Variants in CLSTN2 observed in about 807,000 individuals in gnomAD.
The protein encoded by CLSTN2 is calsyntenin-2.
CLSTN2 carries 48 observed loss-of-function variants against 101.2 expected under a neutral mutation model. That is an observed-to-expected ratio of 0.47 (90% CI 0.38 to 0.60). The LOEUF (loss-of-function observed/expected upper bound fraction) is 0.60. Ranked by LOEUF, CLSTN2 falls within the 20% of genes least tolerant of loss-of-function variation. CLSTN2 has a pLI of 0.00. For missense variants in CLSTN2, 1,160 were observed against 1,238.2 expected (o/e 0.94, Z 0.95); for synonymous variants, 481 against 463.6 (o/e 1.04, Z -0.48).
intron 2 of CLSTN2, among the ~76,000 whole-genome samples, chr3:140,382,506 TTC>T (rs772655430): frequency 7.2e-5 from 11 of 152,222 alleles, no homozygotes; most frequent in Non-Finnish European, 1.6e-4. Context: ...TCAGTTCAAT[TTC>T]ATGGAAGTTG....
chr3:140,461,661 G>A (rs1021774610), intron 7 of CLSTN2, among the ~76,000 whole-genome samples: 3 of 152,132 alleles, frequency 2.0e-5, no homozygotes, highest in African/African-American at 7.2e-5. Context: ...TAGTGCACTT[G>A]TAAAAATGTG....
intron 2 of CLSTN2, among the ~76,000 whole-genome samples, chr3:140,302,339 T>C (rs1419957028): frequency 6.6e-6 from 1 of 152,182 alleles, no homozygotes; most frequent in African/African-American, 2.4e-5. Context: ...ATGAACTACA[T>C]AGTTGAATAA....
chr3:140,447,407 A>G (rs1933109704), intron 5 of CLSTN2, among the ~76,000 whole-genome samples: 1 of 152,168 alleles, frequency 6.6e-6, no homozygotes, highest in Admixed American at 6.5e-5. Flanking sequence ...AGTCACTGGG[A>G]GCCTGCCTTG....
chr3:140,555,290 C>CA (rs1183239124), intron 10 of CLSTN2, among the ~76,000 whole-genome samples: 5 of 152,124 alleles, frequency 3.3e-5, no homozygotes, highest in Non-Finnish European at 7.4e-5. Flanking sequence ...GTGCACAGGG[C>CA]AAAAACATAT....
chr3:140,499,840 G>A (rs1490567169), intron 8 of CLSTN2, among the ~76,000 whole-genome samples: 8 of 152,096 alleles, frequency 5.3e-5, no homozygotes, highest in East Asian at 3.9e-4. Context: ...CAAGGCAGGC[G>A]GATCACGATG....
chr3:140,445,758 C>T (rs1006423254), intron 5 of CLSTN2, among the ~76,000 whole-genome samples: 5 of 152,200 alleles, frequency 3.3e-5, no homozygotes, highest in African/African-American at 7.2e-5. Flanking sequence ...TAGATGTCTG[C>T]GGCTGCCCAG....
chr3:139,978,452 A>C (rs1206155084), intron 1 of CLSTN2, among the ~76,000 whole-genome samples: 1 of 152,206 alleles, frequency 6.6e-6, no homozygotes, highest in African/African-American at 2.4e-5. Context: ...TACCCAGAGC[A>C]TAAGAATGAT....
At chr3:140,456,597 G>A (rs1933405996) in intron 6 of CLSTN2, among the ~76,000 whole-genome samples, 1 of 152,062 alleles carries the variant, frequency 6.6e-6, no homozygotes, top group African/African-American at 2.4e-5. Flanking sequence ...GACCAGCCTG[G>A]CCAACATGGT....
intron 1 of CLSTN2, among the ~76,000 whole-genome samples, chr3:140,122,705 A>C (rs375248222): frequency 6.6e-6 from 1 of 152,124 alleles, no homozygotes; most frequent in Non-Finnish European, 1.5e-5. Flanking sequence ...GAGGCCCCCA[A>C]GTGATGGGCC....
chr3:140,493,841 G>A (rs1182827576), intron 8 of CLSTN2, among the ~76,000 whole-genome samples: 2 of 152,146 alleles, frequency 1.3e-5, no homozygotes, highest in Non-Finnish European at 2.9e-5. Flanking sequence ...TCATTAACCG[G>A]TCTCTCTAAA....
chr3:140,297,918 C>T (rs2087019824), intron 2 of CLSTN2, among the ~76,000 whole-genome samples: 1 of 152,246 alleles, frequency 6.6e-6, no homozygotes, highest in African/African-American at 2.4e-5. Context: ...ACATTTACCA[C>T]TTACAATATT....
chr3:140,121,141 A>C (rs949486740), intron 1 of CLSTN2, among the ~76,000 whole-genome samples: 4 of 152,184 alleles, frequency 2.6e-5, no homozygotes, highest in African/African-American at 9.6e-5. Flanking sequence ...GTGAGATATT[A>C]CCACCCCTGC....
At chr3:140,345,447 A>C (rs2087537019) in intron 2 of CLSTN2, among the ~76,000 whole-genome samples, 1 of 151,652 alleles carries the variant, frequency 6.6e-6, no homozygotes, top group Admixed American at 6.6e-5. Context: ...ATAGGGTCTC[A>C]CTATGTTGAC....
At position 140,421,232 on chromosome 3, in the gene CLSTN2, G is replaced by C. The variant is rs779744102; in HGVS notation, c.745G>C (p.Val249Leu). 1.2e-6 allele frequency: 2 copies of C among 1,614,164 alleles called. No homozygotes were observed. Among genetic ancestry groups the C allele is most frequent in the South Asian group, 1.1e-5 (1 of 91,084 alleles). Reference protein sequence around the residue: ...GQKPAAQDTLVQVDVKPVCKP... With the variant: ...GQKPAAQDTLLQVDVKPVCKP... The stretch of plus-strand genomic sequence containing the variant: ...GAAGCCCGCTGCTCAGGACACCCTG[G>C]TGCAGGTGGATGTGAAGCCAGTTTG... The change falls in exon 5 of 17, where the codon GTG (valine) becomes CTG (leucine). Residue 249 changes from valine to leucine, a missense_variant. Transcript: ENST00000458420.
At chr3:140,452,238 C>A (rs1933269209) in intron 6 of CLSTN2, among the ~76,000 whole-genome samples, 1 of 152,068 alleles carries the variant, frequency 6.6e-6, no homozygotes, top group Non-Finnish European at 1.5e-5. Flanking sequence ...CCCTGCTGAT[C>A]CATTACTACA....
intron 1 of CLSTN2, among the ~76,000 whole-genome samples, chr3:140,118,779 G>A (rs915964701): frequency 6.6e-5 from 10 of 152,152 alleles, no homozygotes; most frequent in African/African-American, 2.4e-4. Flanking sequence ...TTTGGAATAT[G>A]GATGACATGT....
At chr3:140,546,848 C>T (rs1935597786) in intron 10 of CLSTN2, among the ~76,000 whole-genome samples, 167 bp downstream of exon 10, 1 of 152,182 alleles carries the variant, frequency 6.6e-6, no homozygotes, top group African/African-American at 2.4e-5. Context: ...AGATTAGTAA[C>T]CATGACTTCC....
rs143348971 is a variant in CLSTN2, at chr3:139,967,090, C to T, written c.109+31607C>T. ...ATTGCTGCCATCCCTGCTATAGGGC[C>T]TAGGCAGGGCTGACCCCTGGGCCAG... On this transcript the variant is annotated intron_variant, in intron 1 of 16. Coordinates refer to ENST00000458420, the MANE Select transcript of CLSTN2 (RefSeq NM_022131.3). 1.1e-4 allele frequency among the ~76,000 whole-genome samples: 16 copies of T among 152,248 alleles called. No individual in the cohort carries two copies. In the East Asian group the frequency reaches 2.9e-3, roughly 28 times the overall value.
At chr3:140,042,686 A>G (rs950436803) in intron 1 of CLSTN2, among the ~76,000 whole-genome samples, 1 of 152,096 alleles carries the variant, frequency 6.6e-6, no homozygotes, top group African/African-American at 2.4e-5. Flanking sequence ...CCGCTACACC[A>G]TGACAGGCCC....
Sources: allele counts gnomAD v4.1 joint callset (sites outside exome capture counted in the v4.1 genomes callset), GRCh38; gene constraint gnomAD v4.1.1; transcripts MANE v1.5; gene names NCBI Gene and HGNC (gene_info 2026-07-23, HGNC 2026-07-21).